Variants in SGCD observed in about 807,000 individuals in gnomAD.
The protein encoded by SGCD is delta-sarcoglycan.
SGCD carries 18 observed loss-of-function variants against 36.6 expected under a neutral mutation model. The observed-to-expected ratio is 0.49, with a 90% CI of 0.34 to 0.73. The LOEUF (loss-of-function observed/expected upper bound fraction) is 0.73. SGCD is among the 30% of genes least tolerant of loss of function. SGCD has a pLI of 0.01. For synonymous variants in SGCD, 133 were observed against 130.6 expected (o/e 1.02, Z -0.12); for missense variants, 387 against 346.7 (o/e 1.12, Z -0.92).
intron 3 of SGCD, among the ~76,000 whole-genome samples, chr5:156,225,826 A>T (rs1009212428): frequency 5.9e-5 from 9 of 152,080 alleles, no homozygotes; most frequent in Non-Finnish European, 1.2e-4. Context: ...TTAAAAAAAA[A>T]ACCTTAAAGG....
chr5:155,854,020 A>AT, the SGCD span, among the ~76,000 whole-genome samples: 43 of 152,156 alleles, frequency 2.8e-4, 1 homozygote, highest in Admixed American at 1.9e-3. Flanking sequence ...TAGGAAGAGT[A>AT]TTTTTTTAAC....
intron 1 of SGCD, among the ~76,000 whole-genome samples, chr5:155,969,123 C>A (rs1251129225): frequency 6.6e-6 from 1 of 152,054 alleles, no homozygotes; most frequent in African/African-American, 2.4e-5. Context: ...CTGTGAACAT[C>A]TGTATGTATG....
chr5:156,342,804 A>C (rs187728945), intron 2 of SGCD, among the ~76,000 whole-genome samples: 1 of 152,230 alleles, frequency 6.6e-6, no homozygotes, highest in Non-Finnish European at 1.5e-5. Flanking sequence ...AAACCTTTAC[A>C]TACCCCCAGA....
At chr5:156,530,669 T>G (rs1343995066) in intron 4 of SGCD, among the ~76,000 whole-genome samples, 1 of 151,828 alleles carries the variant, frequency 6.6e-6, no homozygotes, top group Non-Finnish European at 1.5e-5. Flanking sequence ...AACCTCCACC[T>G]CCCTGGTTCA....
At chr5:156,372,121 G>A (rs1299324239) in intron 3 of SGCD, among the ~76,000 whole-genome samples, 1 of 152,150 alleles carries the variant, frequency 6.6e-6, no homozygotes, top group Non-Finnish European at 1.5e-5. Context: ...TGACAGTGGT[G>A]AATTTGCAGT....
At chr5:156,536,749 G>A (rs776246564) in intron 4 of SGCD, among the ~76,000 whole-genome samples, 5 of 152,102 alleles carry the variant, frequency 3.3e-5, no homozygotes, top group East Asian at 1.9e-4. Flanking sequence ...GAGACAAAAC[G>A]CAGTCTCAGT....
chr5:156,726,126 C>A (rs1400342092), intron 7 of SGCD, among the ~76,000 whole-genome samples: 1 of 152,156 alleles, frequency 6.6e-6, no homozygotes, highest in Non-Finnish European at 1.5e-5. Flanking sequence ...TTGAAGATGG[C>A]CGTACTGAAA....
At chr5:155,898,576 A>C (rs1756319624) in intron 1 of SGCD, among the ~76,000 whole-genome samples, 1 of 152,166 alleles carries the variant, frequency 6.6e-6, no homozygotes, top group Non-Finnish European at 1.5e-5. Flanking sequence ...TGCTTTTGGA[A>C]GCATTTGACC....
chr5:156,692,289 A>G (rs1359159981), intron 7 of SGCD, among the ~76,000 whole-genome samples: 2 of 152,186 alleles, frequency 1.3e-5, no homozygotes, highest in African/African-American at 4.8e-5. Context: ...TAGTTGCCTG[A>G]AGTCCTGAGA....
At chr5:156,293,085 G>A (rs1766802723) in intron 3 of SGCD, among the ~76,000 whole-genome samples, 1 of 151,438 alleles carries the variant, frequency 6.6e-6, no homozygotes. Context: ...TTAGAGGTGG[G>A]GTCTTTTTAT....
chr5:156,423,456 T>G (rs1773518446), intron 3 of SGCD, among the ~76,000 whole-genome samples: 1 of 132,448 alleles, frequency 7.6e-6, no homozygotes, highest in South Asian at 2.1e-4. Context: ...TTTATTATAA[T>G]ATATTAATTA....
chr5:156,608,811 T>C (rs1761621993), intron 6 of SGCD, among the ~76,000 whole-genome samples: 1 of 152,152 alleles, frequency 6.6e-6, no homozygotes, highest in South Asian at 2.1e-4. Flanking sequence ...GCCTTCTTTG[T>C]CTCTTTTGAT....
chr5:156,083,978 T>C (rs577616632), intron 1 of SGCD, among the ~76,000 whole-genome samples: 2 of 152,340 alleles, frequency 1.3e-5, no homozygotes, highest in Admixed American at 6.5e-5. Flanking sequence ...TCCCCAACAA[T>C]ATCACATTGC....
At chr5:155,757,564 T>C in the SGCD span, among the ~76,000 whole-genome samples, 4 of 152,206 alleles carry the variant, frequency 2.6e-5, no homozygotes, top group South Asian at 8.3e-4. Flanking sequence ...CAAGGGTCTC[T>C]GACAGCAAAA....
rs986061219 is a variant in SGCD at position 156,767,502 on chromosome 5, A to C, written c.*8112A>C. 10 of 151,690 alleles carry C rather than the reference A, an allele frequency of 6.6e-5. No individual in the cohort carries two copies. Among genetic ancestry groups the C allele is most frequent in the Admixed American group, 1.3e-4 (2 of 15,248 alleles). The allele number at this position is 151,690 out of a possible 1,614,324, so 9.4% of individuals were successfully genotyped here. ...AGATTTTGAAAAAAAAAAAAAAAAA[A>C]AACCCATTCCCATAAAGTAATTGAG... On this transcript the variant is annotated 3_prime_UTR_variant, in exon 9 of 9. Transcript: ENST00000337851.
the SGCD span, among the ~76,000 whole-genome samples, chr5:155,821,007 G>A: frequency 6.6e-6 from 1 of 152,016 alleles, no homozygotes; most frequent in Admixed American, 6.5e-5. Context: ...CATGTGAATT[G>A]CCAAGTCCAG....
At chr5:156,456,849 C>G (rs1281227962) in intron 3 of SGCD, among the ~76,000 whole-genome samples, 1 of 152,250 alleles carries the variant, frequency 6.6e-6, no homozygotes, top group East Asian at 1.9e-4. Flanking sequence ...TTCATTCATT[C>G]ATTCAAGTTT....
intron 3 of SGCD, among the ~76,000 whole-genome samples, chr5:156,464,446 T>G (rs2127820989): frequency 6.6e-6 from 1 of 152,244 alleles, no homozygotes; most frequent in South Asian, 2.1e-4. Context: ...GGTCTTGAAC[T>G]CTGGACCTCG....
chr5:155,994,453 A>T (rs1175891885), intron 1 of SGCD, among the ~76,000 whole-genome samples: 1 of 152,152 alleles, frequency 6.6e-6, no homozygotes, highest in African/African-American at 2.4e-5. Context: ...AGATGATGAG[A>T]CATCATTCTT....
Sources: allele counts gnomAD v4.1 joint callset (sites outside exome capture counted in the v4.1 genomes callset), GRCh38; gene constraint gnomAD v4.1.1; transcripts MANE v1.5; gene names NCBI Gene and HGNC (gene_info 2026-07-23, HGNC 2026-07-21).